Variants in COL26A1 observed in about 807,000 individuals in gnomAD.
COL26A1 encodes the protein collagen type XXVI alpha 1 chain.
COL26A1 carries 41 observed loss-of-function variants against 59.3 expected under a neutral mutation model. The ratio of observed to expected loss-of-function variants is 0.69; its 90% confidence interval spans 0.54 to 0.90. The LOEUF is 0.90. Among genes scored for constraint, COL26A1 ranks in the 40% least tolerant of loss-of-function variants. COL26A1 has a pLI of 0.00. For missense variants in COL26A1, 612 were observed against 602.3 expected (o/e 1.02, Z -0.17); for synonymous variants, 266 against 256.0 (o/e 1.04, Z -0.37).
At chr7:101,531,877 G>A (rs907344140) in intron 3 of COL26A1, among the ~76,000 whole-genome samples, 9 of 152,238 alleles carry the variant, frequency 5.9e-5, no homozygotes, top group African/African-American at 2.2e-4. Flanking sequence ...AGTGTCGGGG[G>A]GCCGTGGACT....
intron 3 of COL26A1, among the ~76,000 whole-genome samples, chr7:101,520,986 C>G (rs6969576): frequency 0.035 from 5,341 of 152,300 alleles, 125 homozygotes; most frequent in Middle Eastern, 0.075. Context: ...TATAAAGATA[C>G]TACCTCAGAC....
intron 1 of COL26A1, among the ~76,000 whole-genome samples, chr7:101,390,232 G>A (rs1791696921): frequency 1.5e-5 from 2 of 135,902 alleles, no homozygotes; most frequent in African/African-American, 5.5e-5. Flanking sequence ...ATCTCAGCTC[G>A]CTGCAACCTG....
intron 3 of COL26A1, among the ~76,000 whole-genome samples, chr7:101,461,589 T>C (rs4729714): frequency 0.62 from 93,722 of 152,008 alleles, 30,437 homozygotes; most frequent in African/African-American, 0.82. Flanking sequence ...TGAGCCACGG[T>C]GCCCAGCCAC....
chr7:101,473,847 T>G (rs2130470824), intron 3 of COL26A1, among the ~76,000 whole-genome samples: 1 of 138,476 alleles, frequency 7.2e-6, no homozygotes, highest in Non-Finnish European at 1.6e-5. Context: ...AGTGAAACCC[T>G]GTCTCAAAGA....
In COL26A1 at chr7:101,489,651, T is replaced by G. The variant is rs373046663; in HGVS notation, c.385+41864T>G. Among the ~76,000 whole-genome samples, 458 of 76,364 alleles carry G rather than the reference T, an allele frequency of 6.0e-3. 28 individuals are homozygous for G. Among genetic ancestry groups the G allele is most frequent in the African/African-American group, 0.029 (251 of 8,716 alleles). 50.1% of individuals were successfully genotyped at this position (76,364 alleles called of 152,430 possible). A position where few individuals can be genotyped will look rare whatever the true frequency, so the allele number is the denominator to read the frequency against. On this transcript the variant is annotated intron_variant, in intron 3 of 12. Transcript: ENST00000313669. Reference sequence around the variant, plus strand: ...TTTCTTTCTTTCTTTCTTTCTTTCTTTCTTTCTTTCTTCCTTCCTTCCTTC... The same window carrying G: ...TTTCTTTCTTTCTTTCTTTCTTTCTGTCTTTCTTTCTTCCTTCCTTCCTTC...
chr7:101,453,551 G>A (rs1793396391), intron 3 of COL26A1, among the ~76,000 whole-genome samples: 1 of 152,154 alleles, frequency 6.6e-6, no homozygotes, highest in African/African-American at 2.4e-5. Context: ...CCCTGGTGGA[G>A]AAGCCTTCTG....
intron 3 of COL26A1, among the ~76,000 whole-genome samples, chr7:101,465,744 G>A (rs1461367953): frequency 3.3e-5 from 5 of 151,512 alleles, no homozygotes; most frequent in Admixed American, 1.3e-4. Flanking sequence ...AAGTGCTCTC[G>A]GCCTGGCGTG....
intron 12 of COL26A1, 144 bp from the exon 13 acceptor site, chr7:101,557,226 T>C: frequency 1.4e-6 from 1 of 694,214 alleles, no homozygotes; most frequent in Non-Finnish European, 2.3e-6. Flanking sequence ...AATGAATGAA[T>C]GCATAAGGGG....
chr7:101,540,161 C>T, intron 5 of COL26A1, 112 bp downstream of exon 5: 1 of 1,126,922 alleles, frequency 8.9e-7, no homozygotes, highest in Non-Finnish European at 1.2e-6. Context: ...TTCCAACATG[C>T]CATGTGGCAT....
intron 5 of COL26A1, among the ~76,000 whole-genome samples, chr7:101,543,201 G>A (rs911744509): frequency 6.6e-6 from 1 of 150,942 alleles, no homozygotes; most frequent in African/African-American, 2.4e-5. Flanking sequence ...AGACGGTCTC[G>A]CTCTGTAAGC....
chr7:101,544,204 G>T, intron 6 of COL26A1, 108 bp downstream of exon 6: 1 of 745,644 alleles, frequency 1.3e-6, no homozygotes, highest in Non-Finnish European at 2.2e-6. Flanking sequence ...CCCTGATCTT[G>T]CTGGGTACCA....
chr7:101,383,518 C>G (rs368983135), intron 1 of COL26A1, among the ~76,000 whole-genome samples: 238 of 147,012 alleles, frequency 1.6e-3, no homozygotes, highest in African/African-American at 5.5e-3. Context: ...AGGCATGTGC[C>G]ACCACGCCTG....
intron 3 of COL26A1, among the ~76,000 whole-genome samples, chr7:101,514,853 C>G (rs1794996992): frequency 1.3e-5 from 2 of 152,246 alleles, no homozygotes; most frequent in South Asian, 4.1e-4. Context: ...CCCTAAAGCT[C>G]AGAGAGGCTG....
rs113251224 is a variant in COL26A1, at chr7:101,419,206, C to T, written c.159-771C>T. Among the ~76,000 whole-genome samples, 534 of 151,592 alleles carry T rather than the reference C, an allele frequency of 3.5e-3. 1 individual carries two copies. Among genetic ancestry groups the T allele is most frequent in the Non-Finnish European group, 5.9e-3 (402 of 67,878 alleles). ...ATCATAGCCACTATGATCCTGGGCT[C>T]AAGCCATCCCCTGCCCCAGCCTCCT... On this transcript the variant is annotated intron_variant, in intron 1 of 12. Coordinates refer to ENST00000313669, the MANE Select transcript of COL26A1 (RefSeq NM_001278563.3).
At chr7:101,496,712 C>T (rs546830057) in intron 3 of COL26A1, among the ~76,000 whole-genome samples, 66 of 151,172 alleles carry the variant, frequency 4.4e-4, no homozygotes, top group African/African-American at 1.5e-3. Context: ...ATGGCAAAAA[C>T]CCATCTCTAC....
chr7:101,380,257 T>C (rs919177099), intron 1 of COL26A1, among the ~76,000 whole-genome samples: 6 of 151,472 alleles, frequency 4.0e-5, no homozygotes, highest in Admixed American at 2.6e-4. Flanking sequence ...CCCAAAGTGC[T>C]GGGATTACAG....
intron 2 of COL26A1, among the ~76,000 whole-genome samples, chr7:101,430,351 C>T (rs1453102684): frequency 1.3e-5 from 2 of 151,820 alleles, no homozygotes; most frequent in Non-Finnish European, 2.9e-5. Flanking sequence ...TGTAGTGGCG[C>T]GATCTCAGCT....
intron 3 of COL26A1, among the ~76,000 whole-genome samples, chr7:101,509,326 A>G (rs531078826): frequency 6.6e-6 from 1 of 151,770 alleles, no homozygotes; most frequent in East Asian, 2.0e-4. Flanking sequence ...GGCGCCTGTA[A>G]TCCCAGCTGC....
chr7:101,523,219 G>A (rs143372972), intron 3 of COL26A1, among the ~76,000 whole-genome samples: 3,054 of 151,880 alleles, frequency 0.02, 34 homozygotes, highest in Middle Eastern at 0.071. Context: ...ACAGGCATGC[G>A]CCACCATGCC....
Sources: gnomAD v4.1 joint callset for allele counts (sites outside exome capture counted in the v4.1 genomes callset) on GRCh38, gnomAD v4.1.1 for gene constraint, MANE v1.5 for transcripts, NCBI Gene and HGNC (gene_info 2026-07-23, HGNC 2026-07-21) for gene names.